Variants in EDA observed in about 807,000 individuals in gnomAD.
EDA encodes the protein ectodysplasin A.
Under a neutral mutation model 23.6 loss-of-function variants are expected in EDA, and 2 were observed. The ratio of observed to expected loss-of-function variants is 0.08; its 90% CI spans 0.03 to 0.27. The LOEUF (loss-of-function observed/expected upper bound fraction) is 0.27. EDA is among the 10% of genes least tolerant of loss of function. The pLI is 1.00. For synonymous variants in EDA, 131 were observed against 132.0 expected (o/e 0.99, Z 0.05); for missense variants, 229 against 324.2 (o/e 0.71, Z 2.26).
At chrX:69,668,679 T>A (rs1933770336) in intron 1 of EDA, among the ~76,000 whole-genome samples, 1 of 111,044 alleles carries the variant, frequency 9.0e-6, no homozygotes, top group South Asian at 3.9e-4. Flanking sequence ...CAGGTTTAAA[T>A]GATTCTCCTG....
At chrX:69,760,137 C>T (rs2014256724) in intron 1 of EDA, among the ~76,000 whole-genome samples, 1 of 85,256 alleles carries the variant, frequency 1.2e-5, no homozygotes, top group African/African-American at 4.7e-5. Context: ...CAGTAAGATT[C>T]TGTATGTGAA....
At chrX:69,886,915 C>A (rs780635143) in intron 1 of EDA, among the ~76,000 whole-genome samples, 8 of 111,947 alleles carry the variant, frequency 7.1e-5, no homozygotes, top group Non-Finnish European at 1.5e-4. Context: ...GAATTTCCTT[C>A]AAATACATGG....
chrX:69,667,065 A>G (rs1248544787), intron 1 of EDA, among the ~76,000 whole-genome samples: 1 of 108,085 alleles, frequency 9.3e-6, no homozygotes, highest in African/African-American at 3.3e-5. Context: ...AGGTTATCCA[A>G]TTCGTTGGCA....
chrX:69,649,069 T>C (rs963635269), intron 1 of EDA, among the ~76,000 whole-genome samples: 4 of 111,841 alleles, frequency 3.6e-5, no homozygotes, highest in African/African-American at 1.3e-4. Context: ...TCATTCTCTG[T>C]AGGTCAAGTT....
intron 1 of EDA, among the ~76,000 whole-genome samples, chrX:69,825,705 C>T (rs1477086406): frequency 8.9e-6 from 1 of 112,338 alleles, no homozygotes; most frequent in Non-Finnish European, 1.9e-5. Flanking sequence ...TCCTTCAGTT[C>T]TGCTCTGATT....
At chrX:70,003,192 C>G (rs1382980141) in intron 2 of EDA, among the ~76,000 whole-genome samples, 1 of 111,611 alleles carries the variant, frequency 9.0e-6, no homozygotes, top group Non-Finnish European at 1.9e-5. Flanking sequence ...CAAGGTCAGA[C>G]AGCAAATAAG....
At position 70,035,449 on chromosome X, in the gene EDA, G is replaced by T; in HGVS notation, c.1016G>T (p.Gly339Val). The part of the protein sequence containing the change: ...FLQCTRSIET[G>V]KTNYNTCYTA... ...CAGTGCACACGCAGCATCGAGACGG[G>T]CAAGACCAACTACAACACTTGCTAT... Residue 339 changes from glycine (G) to valine (V), a missense_variant, in exon 8 of 8, where the codon GGC (glycine) becomes GTC (valine). Gly to Val is a moderately radical substitution (Grantham distance 109). Coordinates refer to ENST00000374552, the MANE Select transcript of EDA (RefSeq NM_001399.5). 5 of 1,210,680 alleles carry T rather than the reference G, an allele frequency of 4.1e-6. No individual in the cohort carries two copies. The highest frequency in any genetic ancestry group is 5.6e-6 in the Non-Finnish European group (5 of 895,300).
At chrX:69,846,870 T>G (rs958962205) in intron 1 of EDA, among the ~76,000 whole-genome samples, 3 of 111,636 alleles carry the variant, frequency 2.7e-5, no homozygotes, top group African/African-American at 9.8e-5. Flanking sequence ...TGGAGAGTGC[T>G]TTGGAGCCCC....
At chrX:69,805,285 A>G (rs2015787842) in intron 1 of EDA, among the ~76,000 whole-genome samples, 1 of 111,698 alleles carries the variant, frequency 9.0e-6, no homozygotes. Flanking sequence ...CCTTCACTAC[A>G]TTCAAAGGAA....
rs777145505 is a variant in EDA at position 70,030,504 on chromosome X, A to C, written c.777A>C (p.Ala259=). The part of the protein sequence containing the change: ...AVVHLQGQGS[A]IQVKNDLSGG... ...TGCATCTACAGGGCCAAGGGTCAGC[A>C]ATTCAAGTCAAGAATGGTAAGAATC... Residue 259 remains alanine, a synonymous_variant, in exon 6 of 8, where the codon GCA becomes GCC. Transcript: ENST00000374552. 3 of 1,204,636 alleles carry C rather than the reference A, an allele frequency of 2.5e-6. No homozygotes were observed. Among genetic ancestry groups the C allele is most frequent in the Non-Finnish European group, 3.4e-6 (3 of 891,355 alleles).
At chrX:69,670,345 T>C (rs1187539594) in intron 1 of EDA, 1 of 358,220 alleles carries the variant, frequency 2.8e-6, no homozygotes, top group East Asian at 4.5e-5. Flanking sequence ...TCTCTTTGAC[T>C]TTTGACAGTT....
At chrX:69,851,472 C>A (rs150101305) in intron 1 of EDA, among the ~76,000 whole-genome samples, 79 of 112,384 alleles carry the variant, frequency 7.0e-4, no homozygotes, top group African/African-American at 2.5e-3. Context: ...GCCAACAATG[C>A]TTTGGATGTA....
At chrX:69,703,377 C>T (rs772038727) in intron 1 of EDA, among the ~76,000 whole-genome samples, 1 of 112,098 alleles carries the variant, frequency 8.9e-6, no homozygotes, top group Non-Finnish European at 1.9e-5. Context: ...GTGGCCTGCT[C>T]TCCAGGGTGG....
intron 1 of EDA, among the ~76,000 whole-genome samples, chrX:69,750,085 G>T (rs1396647799): frequency 9.4e-6 from 1 of 106,351 alleles, no homozygotes; most frequent in Non-Finnish European, 1.9e-5. Context: ...TGTTACATAT[G>T]TATACATGTG....
intron 1 of EDA, among the ~76,000 whole-genome samples, chrX:69,826,544 T>C (rs1409987977): frequency 9.1e-6 from 1 of 109,427 alleles, no homozygotes; most frequent in Non-Finnish European, 1.9e-5. Flanking sequence ...TTGTTTTCCA[T>C]TTGCTTGGTA....
intron 1 of EDA, among the ~76,000 whole-genome samples, chrX:69,723,674 C>A (rs928779928): frequency 2.7e-5 from 3 of 111,648 alleles, no homozygotes; most frequent in African/African-American, 9.8e-5. Flanking sequence ...TTGGTAAATT[C>A]TTTAGGTTTC....
chrX:69,845,901 G>A (rs979061792), intron 1 of EDA, among the ~76,000 whole-genome samples: 11 of 111,856 alleles, frequency 9.8e-5, no homozygotes, highest in Admixed American at 2.9e-4. Flanking sequence ...TCTTAGAAGA[G>A]GATCCTCCAG....
chrX:69,746,703 A>G (rs936702301), intron 1 of EDA, among the ~76,000 whole-genome samples: 2 of 111,189 alleles, frequency 1.8e-5, no homozygotes, highest in African/African-American at 6.5e-5. Context: ...TGAAGATTTT[A>G]TCTGGTAAAA....
chrX:69,802,884 T>C (rs1417463397), intron 1 of EDA, among the ~76,000 whole-genome samples: 1 of 111,950 alleles, frequency 8.9e-6, no homozygotes, highest in Non-Finnish European at 1.9e-5. Flanking sequence ...ACATTGTGTG[T>C]ACATTGTTTT....
Sources: gnomAD v4.1 joint callset for allele counts (sites outside exome capture counted in the v4.1 genomes callset) on GRCh38, gnomAD v4.1.1 for gene constraint, MANE v1.5 for transcripts, NCBI Gene and HGNC (gene_info 2026-07-23, HGNC 2026-07-21) for gene names.